Variants in NUBPL observed in about 807,000 individuals in gnomAD.
The protein encoded by NUBPL is iron-sulfur cluster transfer protein NUBPL.
In NUBPL, 31 loss-of-function variants were observed where a neutral mutation model predicts 45.7. The ratio of observed to expected loss-of-function variants is 0.68; its 90% CI spans 0.51 to 0.92. The LOEUF (loss-of-function observed/expected upper bound fraction) is 0.92. Ranked by LOEUF, NUBPL falls within the 40% of genes least tolerant of loss-of-function variation. The pLI is 0.00. For missense variants in NUBPL, 401 were observed against 398.7 expected, an observed-to-expected ratio of 1.01 and a Z score of -0.05; for synonymous variants, 144 against 140.9, an observed-to-expected ratio of 1.02 and a Z score of -0.15.
intron 10 of NUBPL, among the ~76,000 whole-genome samples, chr14:31,853,825 G>T (rs996735497): frequency 1.3e-5 from 2 of 152,082 alleles, no homozygotes; most frequent in South Asian, 4.1e-4. Context: ...GGGGTGAGAA[G>T]GCGATATTTA....
intron 4 of NUBPL, chr14:31,662,289 TTTTATTTTAC>T (rs1186590852): frequency 1.6e-4 from 9 of 54,762 alleles, no homozygotes; most frequent in Admixed American, 1.5e-3. Flanking sequence ...ATTTATTTTA[TTTTATTTTAC>T]TTTATTTTAT....
chr14:31,830,426 T>A (rs1456946636), intron 8 of NUBPL, among the ~76,000 whole-genome samples: 1 of 152,222 alleles, frequency 6.6e-6, no homozygotes, highest in Non-Finnish European at 1.5e-5. Flanking sequence ...CTATCAGGGA[T>A]GACTTTATGG....
chr14:31,776,668 G>T (rs994289245), intron 6 of NUBPL, among the ~76,000 whole-genome samples: 1 of 152,142 alleles, frequency 6.6e-6, no homozygotes, highest in Admixed American at 6.5e-5. Context: ...CAAACTGGGG[G>T]TCCAACAGCA....
intron 6 of NUBPL, among the ~76,000 whole-genome samples, chr14:31,748,466 A>T (rs1382104143): frequency 6.6e-6 from 1 of 152,094 alleles, no homozygotes; most frequent in Non-Finnish European, 1.5e-5. Context: ...TGCTTTGTAC[A>T]TTTGGATGCT....
intron 6 of NUBPL, among the ~76,000 whole-genome samples, chr14:31,731,272 A>C (rs1183012174): frequency 6.6e-6 from 1 of 152,204 alleles, no homozygotes; most frequent in Admixed American, 6.5e-5. Context: ...GTGGAACGAT[A>C]AAAAGGGGAG....
chr14:31,746,675 A>G (rs1478773411), intron 6 of NUBPL, among the ~76,000 whole-genome samples: 2 of 151,942 alleles, frequency 1.3e-5, no homozygotes, highest in Non-Finnish European at 2.9e-5. Flanking sequence ...TGGTTTTGGT[A>G]TCAGAGTAGT....
intron 3 of NUBPL, among the ~76,000 whole-genome samples, chr14:31,593,494 A>G (rs1302680756): frequency 7.2e-6 from 1 of 138,234 alleles, no homozygotes; most frequent in Non-Finnish European, 1.5e-5. Context: ...AGCCTGGGCG[A>G]CAGAGCGAGC....
At chr14:31,760,999 C>T (rs1177209538) in intron 6 of NUBPL, among the ~76,000 whole-genome samples, 1 of 152,010 alleles carries the variant, frequency 6.6e-6, no homozygotes. Context: ...ACCCATCTTA[C>T]TTTTTACATT....
At chr14:31,579,709 TC>T (rs2033813360) in intron 3 of NUBPL, among the ~76,000 whole-genome samples, 1 of 152,214 alleles carries the variant, frequency 6.6e-6, no homozygotes, top group African/African-American at 2.4e-5. Context: ...GAATCACCAG[TC>T]CGTAGCTAAA....
chr14:31,811,850 G>T (rs2039811847), intron 7 of NUBPL, among the ~76,000 whole-genome samples: 1 of 152,166 alleles, frequency 6.6e-6, no homozygotes, highest in Non-Finnish European at 1.5e-5. Flanking sequence ...CTTTCTGTTT[G>T]TTAGTTTTTC....
chr14:31,841,925 T>TTTTTTTTG (rs2040379191), intron 8 of NUBPL, among the ~76,000 whole-genome samples: 1 of 113,940 alleles, frequency 8.8e-6, no homozygotes, highest in Non-Finnish European at 1.8e-5. Flanking sequence ...GGCTTTTTTT[T>TTTTTTTTG]TTTTTTTTTT....
chr14:31,757,928 C>A (rs892961985), intron 6 of NUBPL, among the ~76,000 whole-genome samples: 2 of 151,834 alleles, frequency 1.3e-5, no homozygotes, highest in Non-Finnish European at 2.9e-5. Flanking sequence ...ATTTCATTAA[C>A]ACTTTAGGGC....
chr14:31,645,159 G>A lies in NUBPL; in HGVS notation c.383-28196G>A, dbSNP rs981399510. The stretch of plus-strand genomic sequence containing the variant: ...TGGCTCACTGCAAGCTCCGCCTCCC[G>A]GGTTCACGCCATTCTCCTGCCTCAG... On this transcript the variant is annotated intron_variant, in intron 4 of 10. Transcript: ENST00000281081. 6.6e-5 allele frequency among the ~76,000 whole-genome samples: 10 copies of A among 151,322 alleles called. No homozygotes were observed. The East Asian group carries it at 1.2e-3, about 18-fold the overall frequency.
intron 6 of NUBPL, among the ~76,000 whole-genome samples, chr14:31,702,661 A>G (rs534467404): frequency 7.7e-4 from 118 of 152,368 alleles, no homozygotes; most frequent in African/African-American, 2.7e-3. Flanking sequence ...ATTCCTTGAA[A>G]GTACAATTGA....
At chr14:31,577,752 G>C (rs948126105) in intron 3 of NUBPL, among the ~76,000 whole-genome samples, 7 of 152,142 alleles carry the variant, frequency 4.6e-5, no homozygotes, top group African/African-American at 1.4e-4. Context: ...GCCTAATTTT[G>C]CACTCTGTAC....
chr14:31,795,141 A>C (rs951012861), intron 7 of NUBPL, among the ~76,000 whole-genome samples: 17 of 149,678 alleles, frequency 1.1e-4, no homozygotes, highest in African/African-American at 4.0e-4. Context: ...GTAGCCTTGT[A>C]GTATAGTTTG....
At chr14:31,777,597 G>A (rs1297031838) in intron 6 of NUBPL, among the ~76,000 whole-genome samples, 2 of 152,188 alleles carry the variant, frequency 1.3e-5, no homozygotes, top group Non-Finnish European at 2.9e-5. Flanking sequence ...CTTGTAGGGT[G>A]AAACACAGAA....
intron 4 of NUBPL, among the ~76,000 whole-genome samples, chr14:31,669,192 G>A (rs1386861184): frequency 1.3e-5 from 2 of 151,954 alleles, no homozygotes; most frequent in African/African-American, 4.8e-5. Flanking sequence ...ACACATAATT[G>A]CATATATTTA....
chr14:31,711,526 C>T (rs1276719987), intron 6 of NUBPL, among the ~76,000 whole-genome samples: 1 of 151,940 alleles, frequency 6.6e-6, no homozygotes, highest in African/African-American at 2.4e-5. Context: ...GGTGATAGTC[C>T]CTTCGTGGTT....
Sources: gnomAD v4.1 joint callset for allele counts (sites outside exome capture counted in the v4.1 genomes callset) on GRCh38, gnomAD v4.1.1 for gene constraint, MANE v1.5 for transcripts, NCBI Gene and HGNC (gene_info 2026-07-23, HGNC 2026-07-21) for gene names.